Variants in RABEP1 observed in about 807,000 individuals in gnomAD.
RABEP1 encodes rab GTPase-binding effector protein 1.
Under a neutral mutation model 123.4 loss-of-function variants are expected in RABEP1, and 51 were observed. That is an observed-to-expected ratio of 0.41 (90% CI 0.33 to 0.52). RABEP1 has a LOEUF of 0.52. Among genes scored for constraint, RABEP1 ranks in the 20% least tolerant of loss-of-function variants. RABEP1 has a pLI of 0.16. For missense variants in RABEP1, 888 were observed against 996.3 expected (o/e 0.89, Z 1.46); for synonymous variants, 347 against 355.2 (o/e 0.98, Z 0.26).
chr17:5,368,092 A>G (rs1007000128), intron 11 of RABEP1, among the ~76,000 whole-genome samples: 10 of 152,092 alleles, frequency 6.6e-5, no homozygotes, highest in Non-Finnish European at 1.3e-4. Context: ...ACATAGCTAC[A>G]ACTAGGTCAC....
Position 5,385,903 on chromosome 17 carries a change from ATAAC to A in RABEP1, c.*2686_*2689del, listed in dbSNP as rs71921586. ...CTACTTTAAAACACAGCTCACAAGAATAACTAACTTGCTCAAATATGGAGAAAAC... is the reference window on the plus strand; with the variant it reads ...CTACTTTAAAACACAGCTCACAAGAATAACTTGCTCAAATATGGAGAAAAC... On this transcript the variant is annotated 3_prime_UTR_variant, in exon 18 of 18. Coordinates refer to ENST00000537505, the MANE Select transcript of RABEP1 (RefSeq NM_004703.6). The A allele has an allele frequency of 0.44, 143,410 of 328,424 alleles. 33,785 individuals carry two copies. Among genetic ancestry groups the A allele is most frequent in the East Asian group, 0.84 (18,136 of 21,664 alleles). The allele number at this position is 328,424 out of a possible 1,614,324, so 20.3% of individuals were successfully genotyped here. A position where few individuals can be genotyped will look rare whatever the true frequency, so the allele number is the denominator to read the frequency against.
At chr17:5,288,516 C>T (rs865801135) in intron 1 of RABEP1, among the ~76,000 whole-genome samples, 2 of 152,206 alleles carry the variant, frequency 1.3e-5, no homozygotes, top group East Asian at 1.9e-4. Context: ...CTGCCTCAGC[C>T]TCCCAAGTAG....
At position 5,326,037 on chromosome 17, in the gene RABEP1, T is replaced by C. The variant is rs543730630; in HGVS notation, c.164-5912T>C. Among the ~76,000 whole-genome samples the C allele has an allele frequency of 3.3e-5, 5 of 152,292 alleles. 1 individual carries two copies. In the South Asian group the frequency reaches 1.0e-3, roughly 32 times the overall value. ...GATGTGGAGCAACAGCAGCATTCAT[T>C]GCTGGTGGGAATGCAAAATGACGTA... On this transcript the variant is annotated intron_variant, in intron 2 of 17. Coordinates refer to ENST00000537505, the MANE Select transcript of RABEP1 (RefSeq NM_004703.6).
rs536142789 is a variant in RABEP1, at chr17:5,312,299, C to T, written c.163+3477C>T. Among the ~76,000 whole-genome samples the T allele has an allele frequency of 5.3e-5, 8 of 152,250 alleles. No homozygotes were observed. In the South Asian group the frequency reaches 1.5e-3, roughly 28 times the overall value. On this transcript the variant is annotated intron_variant, in intron 2 of 17. Coordinates refer to ENST00000537505, the MANE Select transcript of RABEP1 (RefSeq NM_004703.6). ...GAGTAGCAGGGATTACAGGTGTGTGCCACCACACCTGGCTAATTTTTTTGT... is the reference window on the plus strand; with the variant it reads ...GAGTAGCAGGGATTACAGGTGTGTGTCACCACACCTGGCTAATTTTTTTGT...
At chr17:5,358,200 A>G (rs1909193341) in intron 8 of RABEP1, among the ~76,000 whole-genome samples, 1 of 152,234 alleles carries the variant, frequency 6.6e-6, no homozygotes, top group Admixed American at 6.5e-5. Context: ...TATGAAATAC[A>G]GAAAATGAAA....
rs1567531340 is a variant in RABEP1, at chr17:5,338,073, A to G, written c.583A>G (p.Ile195Val). The change falls in exon 5 of 18, where the codon ATT becomes GTT. Residue 195 changes from isoleucine (I) to valine (V), a missense_variant. Coordinates refer to ENST00000537505, the MANE Select transcript of RABEP1 (RefSeq NM_004703.6). ...RSVVMPMEKE[I>V]AALKDKLTEA... ...CGTTGTGATGCCAATGGAAAAGGAA[A>G]TTGCAGCTTTGAAGGATAAACTGAC... 6.2e-7 allele frequency: 1 copy of G among 1,613,714 alleles called. No individual in the cohort carries two copies. The highest frequency in any genetic ancestry group is 8.5e-7 in the Non-Finnish European group (1 of 1,179,676).
At chr17:5,298,347 A>C (rs1180136260) in intron 1 of RABEP1, among the ~76,000 whole-genome samples, 5 of 152,202 alleles carry the variant, frequency 3.3e-5, no homozygotes, top group African/African-American at 1.2e-4. Flanking sequence ...TTACGGTATA[A>C]TTAAATATGG....
At chr17:5,314,136 G>A (rs946380579) in intron 2 of RABEP1, among the ~76,000 whole-genome samples, 1 of 151,564 alleles carries the variant, frequency 6.6e-6, no homozygotes, top group Non-Finnish European at 1.5e-5. Context: ...AGCTGTGTTT[G>A]CACTTGTTTG....
intron 1 of RABEP1, among the ~76,000 whole-genome samples, chr17:5,292,134 C>T (rs1013633200): frequency 3.3e-5 from 5 of 152,132 alleles, no homozygotes; most frequent in Non-Finnish European, 2.9e-5. Context: ...TACATTTCTT[C>T]TTCTTAGTGC....
At chr17:5,367,400 T>C (rs1227278011) in intron 11 of RABEP1, among the ~76,000 whole-genome samples, 5 of 151,560 alleles carry the variant, frequency 3.3e-5, no homozygotes, top group African/African-American at 7.3e-5. Context: ...GCCTCCTGAG[T>C]AGCTGGGACT....
chr17:5,329,771 TG>T (rs1482081594), intron 2 of RABEP1, among the ~76,000 whole-genome samples: 17 of 150,688 alleles, frequency 1.1e-4, no homozygotes, highest in African/African-American at 3.6e-4. Flanking sequence ...TTCTGTCTCC[TG>T]TTTTTTTGTA....
At chr17:5,354,331 C>G (rs1567540069) in intron 7 of RABEP1, 28 bp from the exon 8 acceptor site, 3 of 1,584,064 alleles carry the variant, frequency 1.9e-6, no homozygotes, top group Non-Finnish European at 8.6e-7. Flanking sequence ...TTACTTGGGT[C>G]ATATATATGT....
chr17:5,367,302 C>T (rs372839108), intron 11 of RABEP1, among the ~76,000 whole-genome samples: 137 of 150,942 alleles, frequency 9.1e-4, no homozygotes, highest in African/African-American at 2.2e-3. Flanking sequence ...TTTTTTGTCT[C>T]GCTGTGTCGC....
chr17:5,372,088 T>C (rs1357095627), intron 12 of RABEP1, among the ~76,000 whole-genome samples: 3 of 152,054 alleles, frequency 2.0e-5, no homozygotes, highest in African/African-American at 7.2e-5. Flanking sequence ...ACAAATAATA[T>C]GAAATACCTA....
chr17:5,288,826 C>A (rs1279391367), intron 1 of RABEP1, among the ~76,000 whole-genome samples: 3 of 152,198 alleles, frequency 2.0e-5, no homozygotes, highest in African/African-American at 7.2e-5. Context: ...GCCTCAGCCC[C>A]TCAAGTAGCT....
At chr17:5,352,155 A>G (rs1480103480) in intron 7 of RABEP1, among the ~76,000 whole-genome samples, 4 of 149,146 alleles carry the variant, frequency 2.7e-5, no homozygotes, top group African/African-American at 9.8e-5. Context: ...ATTTGGACTC[A>G]TTCGTCTTGT....
chr17:5,357,982 G>A lies in RABEP1; in HGVS notation c.1096-3226G>A, dbSNP rs575684719. On this transcript the variant is annotated intron_variant, in intron 8 of 17. Coordinates refer to ENST00000537505, the MANE Select transcript of RABEP1 (RefSeq NM_004703.6). ...GGTCTGTTCTTAGCTGTCTGGAACT[G>A]GCCCTGGGTTCATTTAGGGCAGGGG... Among the ~76,000 whole-genome samples, 3 of 152,262 alleles carry A rather than the reference G, an allele frequency of 2.0e-5. 1 individual carries two copies. In the South Asian group the frequency reaches 6.2e-4, roughly 32 times the overall value.
chr17:5,346,188 G>A (rs1908047387), intron 5 of RABEP1, among the ~76,000 whole-genome samples: 1 of 152,156 alleles, frequency 6.6e-6, no homozygotes, highest in Admixed American at 6.5e-5. Context: ...ACAGGCGTGA[G>A]CCACCACACC....
At chr17:5,359,685 A>G (rs1909334293) in intron 8 of RABEP1, among the ~76,000 whole-genome samples, 3 of 152,238 alleles carry the variant, frequency 2.0e-5, no homozygotes, top group Non-Finnish European at 2.9e-5. Flanking sequence ...TTTTTAAAAC[A>G]TTAAAAAAAA....
Sources: allele counts gnomAD v4.1 joint callset (sites outside exome capture counted in the v4.1 genomes callset), GRCh38; gene constraint gnomAD v4.1.1; transcripts MANE v1.5; gene names NCBI Gene and HGNC (gene_info 2026-07-23, HGNC 2026-07-21).